Variants in FAM135B observed in about 807,000 individuals in gnomAD.
FAM135B encodes the protein protein FAM135B.
FAM135B carries 43 observed loss-of-function variants against 127.7 expected under a neutral mutation model. That is an observed-to-expected ratio of 0.34 (90% CI 0.26 to 0.43). The LOEUF (loss-of-function observed/expected upper bound fraction) is 0.43, where lower values mean the gene tolerates loss of function less well. Ranked by LOEUF, FAM135B falls within the 20% of genes least tolerant of loss-of-function variation. The probability of loss-of-function intolerance (pLI) is 1.00; values close to 1 mark genes in which losing one functional copy is unlikely to be tolerated. For synonymous variants in FAM135B, 670 were observed against 665.1 expected (o/e 1.01, Z -0.11); for missense variants, 1,558 against 1,725.6 (o/e 0.90, Z 1.72).
intron 1 of FAM135B, among the ~76,000 whole-genome samples, chr8:138,386,991 T>A (rs1010233031): frequency 2.6e-5 from 4 of 152,090 alleles, no homozygotes; most frequent in African/African-American, 9.7e-5. Flanking sequence ...CATTTCTTCA[T>A]CTCTTGAAGG....
rs1429098529 is a variant in FAM135B at position 138,338,635 on chromosome 8, A to G, written c.78-27715T>C. On this transcript the variant is annotated intron_variant, in intron 2 of 19. Transcript: ENST00000395297. ...ACAGGTGCTGGAGAGGATGTGGAGAAATAGGAACACTTTTACACTGTTGGT... is the reference window on the plus strand; with the variant it reads ...ACAGGTGCTGGAGAGGATGTGGAGAGATAGGAACACTTTTACACTGTTGGT... Among the ~76,000 whole-genome samples the G allele has an allele frequency of 2.6e-5, 4 of 151,078 alleles. No individual in the cohort carries two copies. In the South Asian group the frequency reaches 6.3e-4, roughly 24 times the overall value.
At position 138,306,715 on chromosome 8, in the gene FAM135B, C is replaced by T. The variant is rs559813260; in HGVS notation, c.157+4126G>A. 1.3e-4 allele frequency among the ~76,000 whole-genome samples: 19 copies of T among 151,892 alleles called. No individual in the cohort carries two copies. In the East Asian group the frequency reaches 1.6e-3, roughly 13 times the overall value. On this transcript the variant is annotated intron_variant, in intron 3 of 19. Coordinates refer to ENST00000395297, the MANE Select transcript of FAM135B (RefSeq NM_015912.4). ...CTCCTGTCTCAGTCCCCCAAGTAGC[C>T]GGGACTACAGGTGTGCACCACCACG...
chr8:138,146,158 T>C, intron 14 of FAM135B, 108 bp from the exon 15 acceptor site: 1 of 637,372 alleles, frequency 1.6e-6, no homozygotes. Flanking sequence ...CTACTGGGTT[T>C]TGTCACTTTT....
At chr8:138,391,606 G>C (rs913495793) in intron 1 of FAM135B, among the ~76,000 whole-genome samples, 4 of 152,132 alleles carry the variant, frequency 2.6e-5, no homozygotes, top group African/African-American at 4.8e-5. Context: ...CAGGCTAGCT[G>C]GTGGGCCATC....
At chr8:138,228,999 C>T (rs541804378) in intron 7 of FAM135B, among the ~76,000 whole-genome samples, 28 of 152,098 alleles carry the variant, frequency 1.8e-4, no homozygotes, top group Admixed American at 7.2e-4. Flanking sequence ...ACTGCTTTAT[C>T]CCTCCTGCGA....
chr8:138,256,160 G>A (rs1822077033), intron 5 of FAM135B, among the ~76,000 whole-genome samples: 1 of 80,642 alleles, frequency 1.2e-5, no homozygotes, highest in Non-Finnish European at 3.0e-5. Flanking sequence ...CCCAGGGTAG[G>A]AAGAAGAGGT....
intron 4 of FAM135B, among the ~76,000 whole-genome samples, chr8:138,261,141 C>T (rs962010380): frequency 6.7e-5 from 10 of 149,596 alleles, no homozygotes; most frequent in Non-Finnish European, 1.5e-4. Context: ...TTTCTGCTTC[C>T]AGCAAAAAAA....
At position 138,152,134 on chromosome 8, in the gene FAM135B, C is replaced by G; in HGVS notation, c.2341G>C (p.Glu781Gln). 4 of 1,613,986 alleles carry G rather than the reference C, an allele frequency of 2.5e-6. No homozygotes were observed. The highest frequency in any genetic ancestry group is 2.5e-6 in the Non-Finnish European group (3 of 1,180,026). ...TTGGTGTCCGCATCTTCAGCAGCCT[C>G]CTCTGGGCTACTGATGTGGGGAGCA... ...VSAPHISSPE[E>Q]AAEDADTKQQ... Residue 781 changes from glutamate (E) to glutamine (Q), a missense_variant, in exon 13 of 20, where the codon GAG becomes CAG. Transcript: ENST00000395297.
chr8:138,178,445 A>G, intron 10 of FAM135B, 90 bp downstream of exon 10: 1 of 1,481,614 alleles, frequency 6.7e-7, no homozygotes, highest in Non-Finnish European at 9.3e-7. Flanking sequence ...TCTAGAGGCC[A>G]ATCCTAATGC....
chr8:138,430,441 A>T (rs1355698182), intron 1 of FAM135B, among the ~76,000 whole-genome samples: 1 of 152,212 alleles, frequency 6.6e-6, no homozygotes, highest in African/African-American at 2.4e-5. Flanking sequence ...TCAGGAATTT[A>T]AGCAGAACTC....
intron 3 of FAM135B, chr8:138,309,001 T>G (rs1826466009): frequency 2.2e-6 from 1 of 455,096 alleles, no homozygotes; most frequent in Non-Finnish European, 4.4e-6. Context: ...CTTGTGCTGG[T>G]TCTTGTTCTG....
intron 9 of FAM135B, among the ~76,000 whole-genome samples, chr8:138,189,967 GCCC>G (rs1457549407): frequency 5.3e-5 from 8 of 152,072 alleles, no homozygotes; most frequent in African/African-American, 1.9e-4. Context: ...TCTGCATATA[GCCC>G]CAGCAGCACA....
chr8:138,265,335 C>T (rs945865541), intron 4 of FAM135B, among the ~76,000 whole-genome samples: 13 of 152,106 alleles, frequency 8.5e-5, no homozygotes, highest in African/African-American at 2.4e-4. Flanking sequence ...GGTTCTGTCC[C>T]TTACCCAAGG....
At chr8:138,195,003 T>G (rs1302015579) in intron 9 of FAM135B, among the ~76,000 whole-genome samples, 1 of 152,232 alleles carries the variant, frequency 6.6e-6, no homozygotes, top group Non-Finnish European at 1.5e-5. Flanking sequence ...CAAATACATA[T>G]GTGTAGCCTA....
intron 17 of FAM135B, among the ~76,000 whole-genome samples, chr8:138,140,534 T>C (rs764817216): frequency 2.0e-5 from 3 of 152,204 alleles, no homozygotes; most frequent in Non-Finnish European, 4.4e-5. Flanking sequence ...GTCTAACATA[T>C]TCTGGAGTCA....
Position 138,205,113 on chromosome 8 carries a change from A to G in FAM135B, c.670-7444T>C, listed in dbSNP as rs553736973. Among the ~76,000 whole-genome samples, 38 of 152,356 alleles carry G rather than the reference A, an allele frequency of 2.5e-4. 1 individual carries two copies. In the South Asian group the frequency reaches 7.7e-3, roughly 31 times the overall value. On this transcript the variant is annotated intron_variant, in intron 7 of 19. Transcript: ENST00000395297. ...ATAAGAAAACAGTATCATCATAAAA[A>G]ACAGCTAACACTTATTATTTGACTC...
At chr8:138,495,547 C>G (rs936727433) in intron 1 of FAM135B, among the ~76,000 whole-genome samples, 1 of 152,162 alleles carries the variant, frequency 6.6e-6, no homozygotes, top group Non-Finnish European at 1.5e-5. Context: ...CCCGAGGCCA[C>G]GATATAAAGG....
chr8:138,174,537 A>C (rs1294077618), intron 11 of FAM135B, among the ~76,000 whole-genome samples: 1 of 152,208 alleles, frequency 6.6e-6, no homozygotes, highest in African/African-American at 2.4e-5. Context: ...TCTGTTTTAC[A>C]GCTCTTCTTA....
rs768314952 is a variant in FAM135B at position 138,152,767 on chromosome 8, C to T, written c.1708G>A (p.Val570Met). ...NKNPSRAEPL[V>M]AFNAQHESRS... is the part of the protein sequence containing the mutation. ...CTCTCATGCTGAGCATTGAAGGCCA[C>T]CAGGGGTTCAGCTCTGGAGGGGTTC... Residue 570 changes from valine (V) to methionine (M), a missense_variant, in exon 13 of 20, where the codon GTG becomes ATG. Val to Met is a conservative substitution (Grantham distance 21). Transcript: ENST00000395297. The T allele has an allele frequency of 6.2e-7, 1 of 1,614,192 alleles. No individual in the cohort carries two copies. The highest frequency in any genetic ancestry group is 1.1e-5 in the South Asian group (1 of 91,082).
Sources: allele counts gnomAD v4.1 joint callset (sites outside exome capture counted in the v4.1 genomes callset), GRCh38; gene constraint gnomAD v4.1.1; transcripts MANE v1.5; gene names NCBI Gene and HGNC (gene_info 2026-07-23, HGNC 2026-07-21).